ADGRL2: variants seen among roughly 807,000 people sequenced by gnomAD.
The protein encoded by ADGRL2 is calcium-independent alpha-latrotoxin receptor 2.
Under a neutral mutation model 157.4 loss-of-function variants are expected in ADGRL2, and 44 were observed. The observed-to-expected ratio is 0.28, with a 90% CI of 0.22 to 0.36. The LOEUF (loss-of-function observed/expected upper bound fraction) is 0.36. ADGRL2 is among the 10% of genes least tolerant of loss of function. The pLI, the probability that ADGRL2 is intolerant of heterozygous loss-of-function variation, is 1.00. For missense variants in ADGRL2, 1,510 were observed against 1,768.9 expected (o/e 0.85, Z 2.63); for synonymous variants, 585 against 624.7 (o/e 0.94, Z 0.95).
chr1:81,370,327 A>G, intron 1 of ADGRL2, among the ~76,000 whole-genome samples: 1 of 152,148 alleles, frequency 6.6e-6, no homozygotes, highest in East Asian at 1.9e-4. Context: ...CAAAACGATT[A>G]AATCATTGTT....
At chr1:81,983,197 T>C (rs1662151689) in intron 19 of ADGRL2, among the ~76,000 whole-genome samples, 1 of 151,990 alleles carries the variant, frequency 6.6e-6, no homozygotes. Context: ...GAGAGTCTCT[T>C]ATGCTTTTTA....
intron 3 of ADGRL2, among the ~76,000 whole-genome samples, chr1:81,619,098 A>G (rs1050523576): frequency 6.6e-6 from 1 of 152,226 alleles, no homozygotes; most frequent in African/African-American, 2.4e-5. Flanking sequence ...AATTTGGTCT[A>G]ATCTCAATTG....
chr1:81,458,833 G>C (rs988828422), intron 2 of ADGRL2, among the ~76,000 whole-genome samples: 2 of 152,192 alleles, frequency 1.3e-5, no homozygotes, highest in Admixed American at 6.5e-5. Context: ...CCTCCTGACT[G>C]CAGCTCAGTG....
chr1:81,637,486 G>A (rs896439449), intron 3 of ADGRL2, among the ~76,000 whole-genome samples: 60 of 152,200 alleles, frequency 3.9e-4, no homozygotes, highest in African/African-American at 1.4e-3. Context: ...TGTTCAGAAG[G>A]AGCTTCTGCT....
In ADGRL2 at chr1:81,507,524, T is replaced by C. The variant is rs2078999805; in HGVS notation, c.-248+62435T>C. On this transcript the variant is annotated intron_variant, in intron 2 of 24. Transcript: ENST00000370721. ...ACCACGTGTTTTGGAATTGCGTTAC[T>C]CTCAAGTCCTCCATTTCACATTATA... Among the ~76,000 whole-genome samples, 3 of 152,200 alleles carry C rather than the reference T, an allele frequency of 2.0e-5. No individual in the cohort carries two copies. In the South Asian group the frequency reaches 6.2e-4, roughly 31 times the overall value.
In ADGRL2 at chr1:81,991,255, G is replaced by A; in HGVS notation, c.*110G>A. ...TGCTTGAAGAGATGACTCTTGACCTGTGGTTCTCTGGTGTAAAAAAGATGA... is the reference window on the plus strand; with the variant it reads ...TGCTTGAAGAGATGACTCTTGACCTATGGTTCTCTGGTGTAAAAAAGATGA... On this transcript the variant is annotated 3_prime_UTR_variant, in exon 24 of 24. Coordinates refer to ENST00000686636, the MANE Select transcript of ADGRL2 (RefSeq NM_001366006.2). 1 of 988,274 alleles carries A rather than the reference G, an allele frequency of 1.0e-6. No individual in the cohort carries two copies. Among genetic ancestry groups the A allele is most frequent in the Middle Eastern group, 2.2e-4 (1 of 4,528 alleles). 61.2% of individuals were successfully genotyped at this position (988,274 alleles called of 1,614,324 possible).
intron 1 of ADGRL2, among the ~76,000 whole-genome samples, chr1:81,391,678 C>A (rs2076562823): frequency 6.8e-6 from 1 of 147,442 alleles, no homozygotes; most frequent in South Asian, 2.1e-4. Context: ...TAATTTCAGA[C>A]TAACAACTGA....
chr1:81,882,927 C>T (rs1266031744), intron 2 of ADGRL2, among the ~76,000 whole-genome samples: 1 of 152,146 alleles, frequency 6.6e-6, no homozygotes, highest in Non-Finnish European at 1.5e-5. Context: ...ACAATACAGT[C>T]CAAATCTGGT....
chr1:81,443,477 G>A (rs1396538124), intron 1 of ADGRL2, among the ~76,000 whole-genome samples: 1 of 151,622 alleles, frequency 6.6e-6, no homozygotes, highest in Non-Finnish European at 1.5e-5. Context: ...ATTTCTCATA[G>A]GTAGTCATAT....
At chr1:81,888,478 A>C (rs183478607) in intron 2 of ADGRL2, among the ~76,000 whole-genome samples, 453 of 152,180 alleles carry the variant, frequency 3.0e-3, no homozygotes, top group African/African-American at 0.011. Context: ...CTTGCTCTGT[A>C]ACCCAGGCTG....
intron 2 of ADGRL2, among the ~76,000 whole-genome samples, chr1:81,473,926 G>T (rs1181947670): frequency 6.6e-6 from 1 of 152,196 alleles, no homozygotes. Context: ...CTTTTCCTTG[G>T]TATGTGGAGT....
At chr1:81,841,759 T>C (rs1448661236) in intron 2 of ADGRL2, among the ~76,000 whole-genome samples, 7 of 152,202 alleles carry the variant, frequency 4.6e-5, no homozygotes. Flanking sequence ...ACTGATGTCT[T>C]CAAGTGCCTG....
intron 2 of ADGRL2, among the ~76,000 whole-genome samples, chr1:81,526,943 G>C (rs780841678): frequency 6.6e-6 from 1 of 152,208 alleles, no homozygotes; most frequent in Non-Finnish European, 1.5e-5. Flanking sequence ...AGTATTGACC[G>C]TTTGGAGCCA....
At chr1:81,879,976 A>G (rs974013484) in intron 2 of ADGRL2, among the ~76,000 whole-genome samples, 14 of 152,188 alleles carry the variant, frequency 9.2e-5, no homozygotes, top group Admixed American at 8.5e-4. Flanking sequence ...GCAGTGAGCC[A>G]AGATCTTGTC....
chr1:81,809,042 C>T (rs1248873096), intron 1 of ADGRL2, among the ~76,000 whole-genome samples: 1 of 151,962 alleles, frequency 6.6e-6, no homozygotes, highest in Non-Finnish European at 1.5e-5. Flanking sequence ...GTAATGTCTC[C>T]CTCTACAGAG....
intron 2 of ADGRL2, chr1:81,502,489 C>T: frequency 6.2e-7 from 1 of 1,614,028 alleles, no homozygotes; most frequent in Middle Eastern, 1.7e-4. Context: ...GGACCCCCAT[C>T]AACCGAATCC....
rs192401909 is a variant in ADGRL2, at chr1:81,943,244, A to C, written c.685A>C (p.Arg229=). Residue 229 remains arginine, a synonymous_variant, in exon 6 of 24, where the codon AGA becomes CGA. Transcript: ENST00000686636. This position sits in a 1 kb window ranked among gnomAD's most constrained non-coding sequence, Gnocchi z 5.6. ...YDGAVFFNKE[R]TRNIVKFDLR... is the part of the protein sequence containing the mutation. The stretch of plus-strand genomic sequence containing the variant: ...TGGTGCTGTCTTCTTTAACAAAGAA[A>C]GAACGAGGAATATTGTGAAATTTGA... The C allele has an allele frequency of 9.9e-6, 16 of 1,613,696 alleles. No individual in the cohort carries two copies. The Admixed American group carries it at 2.2e-4, about 22-fold the overall frequency.
upstream of ADGRL2, among the ~76,000 whole-genome samples, chr1:81,696,097 T>G (rs2083437601): frequency 2.6e-5 from 4 of 152,178 alleles, no homozygotes; most frequent in Non-Finnish European, 5.9e-5. Flanking sequence ...CTAGTTGTTT[T>G]CCTCAACAAA....
intron 2 of ADGRL2, among the ~76,000 whole-genome samples, chr1:81,453,992 T>C (rs2101755031): frequency 6.6e-6 from 1 of 152,294 alleles, no homozygotes; most frequent in East Asian, 1.9e-4. Context: ...GAAGCTCCAA[T>C]ACACAGCTCC....
Sources: allele counts gnomAD v4.1 joint callset (sites outside exome capture counted in the v4.1 genomes callset), GRCh38; gene constraint gnomAD v4.1.1; non-coding constraint Gnocchi (gnomAD v3.1); transcripts MANE v1.5; gene names NCBI Gene and HGNC (gene_info 2026-07-23, HGNC 2026-07-21).